The following OVCH1 variants were observed in gnomAD, a reference collection of about 807,000 sequenced individuals.
The protein encoded by OVCH1 is ovochymase-1.
A neutral mutation model predicts 138.4 loss-of-function variants in OVCH1; 139 were observed. That is an observed-to-expected ratio of 1.00 (90% CI 0.87 to 1.16). The LOEUF is 1.16. OVCH1 is among the 50% of genes most tolerant of loss of function. The pLI is 0.00. For missense variants in OVCH1, 1,367 were observed against 1,357.9 expected (o/e 1.01, Z -0.11); for synonymous variants, 453 against 467.8 (o/e 0.97, Z 0.41).
At chr12:29,426,634 T>C (rs1268267075), downstream of OVCH1, among the ~76,000 whole-genome samples, 3 of 152,200 alleles carry the variant, frequency 2.0e-5, no homozygotes, top group African/African-American at 7.2e-5. Context: ...CTTTCTCCAG[T>C]GTCTCACATC....
At chr12:29,492,604 A>G (rs1199390334) in intron 4 of OVCH1, among the ~76,000 whole-genome samples, 3 of 152,142 alleles carry the variant, frequency 2.0e-5, no homozygotes, top group African/African-American at 7.2e-5. Flanking sequence ...CTGGAACAAG[A>G]TGGCAAAAGT....
chr12:29,452,794 C>G (rs1464567773), intron 21 of OVCH1, among the ~76,000 whole-genome samples: 1 of 152,092 alleles, frequency 6.6e-6, no homozygotes, highest in South Asian at 2.1e-4. Flanking sequence ...TTCATTAATT[C>G]CCTAGTGTAA....
At chr12:29,474,808 C>T (rs1458969401) in intron 14 of OVCH1, among the ~76,000 whole-genome samples, 4 of 152,064 alleles carry the variant, frequency 2.6e-5, no homozygotes, top group African/African-American at 7.2e-5. Flanking sequence ...CTGTATGTGG[C>T]GTGTGGAATC....
chr12:29,434,547 C>T (rs767803437), intron 26 of OVCH1, among the ~76,000 whole-genome samples: 1 of 151,602 alleles, frequency 6.6e-6, no homozygotes, highest in Non-Finnish European at 1.5e-5. Flanking sequence ...AAAAGAAGCA[C>T]AAGAAATTGA....
chr12:29,486,528 C>T lies in OVCH1; in HGVS notation c.893-180G>A, dbSNP rs568167855. 5.3e-5 allele frequency among the ~76,000 whole-genome samples: 8 copies of T among 152,238 alleles called. No homozygotes were observed. In the East Asian group the frequency reaches 9.6e-4, roughly 18 times the overall value. Reference sequence around the variant, plus strand: ...TCTTTTAAAAAAGGCTAAAGGACTACGTGGAAGCAGGAATTGATTTGATTT... The same window carrying T: ...TCTTTTAAAAAAGGCTAAAGGACTATGTGGAAGCAGGAATTGATTTGATTT... On this transcript the variant is annotated intron_variant, in intron 7 of 27. Transcript: ENST00000318184.
At chr12:29,423,201 A>C (rs1941128949), downstream of OVCH1, 4 of 455,418 alleles carry the variant, frequency 8.8e-6, no homozygotes, top group Non-Finnish European at 1.8e-5. Flanking sequence ...AATAAGCTTA[A>C]AACCTCTTTC....
chr12:29,472,065 TA>T, intron 15 of OVCH1, 83 bp from the exon 16 acceptor site: 1 of 1,313,824 alleles, frequency 7.6e-7, no homozygotes, highest in Admixed American at 2.8e-5. Flanking sequence ...TAGTTAACAG[TA>T]GTGATTCTCA....
intron 23 of OVCH1, 60 bp downstream of exon 23, chr12:29,445,218 C>T: frequency 1.3e-6 from 2 of 1,482,588 alleles, no homozygotes; most frequent in Non-Finnish European, 1.8e-6. Flanking sequence ...GGAAATATTC[C>T]TAAATAGAGT....
chr12:29,451,645 G>A, intron 21 of OVCH1, 76 bp from the exon 22 acceptor site: 1 of 1,157,316 alleles, frequency 8.6e-7, no homozygotes, highest in South Asian at 1.5e-5. Flanking sequence ...TCACAAGACT[G>A]AAAAATCTAG....
chr12:29,433,738 A>C, intron 27 of OVCH1: 1 of 1,424,872 alleles, frequency 7.0e-7, no homozygotes, highest in South Asian at 1.3e-5. Flanking sequence ...TTAGTCCCTT[A>C]TGATATACTT....
intron 27 of OVCH1, among the ~76,000 whole-genome samples, chr12:29,431,618 T>C (rs747035242): frequency 6.6e-6 from 1 of 152,218 alleles, no homozygotes; most frequent in Non-Finnish European, 1.5e-5. Context: ...CTACCTCATA[T>C]AAATTATAAT....
At chr12:29,433,884 AAAAG>A in intron 26 of OVCH1, 2 of 1,263,600 alleles carry the variant, frequency 1.6e-6, no homozygotes, top group South Asian at 3.2e-5. Context: ...GTCCAAAAAA[AAAAG>A]AAACAAAAGG....
At chr12:29,412,313 G>A (rs1263367734), downstream of OVCH1, among the ~76,000 whole-genome samples, 2 of 152,078 alleles carry the variant, frequency 1.3e-5, no homozygotes, top group Admixed American at 6.5e-5. Context: ...GCTGCGCACG[G>A]TGAGCTGCAC....
intron 2 of OVCH1, 38 bp from the exon 3 acceptor site, chr12:29,496,316 C>A: frequency 6.8e-7 from 1 of 1,468,692 alleles, no homozygotes; most frequent in South Asian, 1.2e-5. Flanking sequence ...GCTAATATGT[C>A]TCCCCACATA....
At chr12:29,427,613 T>C (rs1207317302) in exon 28 of OVCH1, 2 of 1,551,284 alleles carry the variant, frequency 1.3e-6, no homozygotes, top group African/African-American at 1.4e-5. Flanking sequence ...CCAAATCTGC[T>C]GGCACCTGGA....
intron 25 of OVCH1, among the ~76,000 whole-genome samples, chr12:29,440,182 G>T (rs1229603965): frequency 6.6e-6 from 1 of 152,104 alleles, no homozygotes; most frequent in Non-Finnish European, 1.5e-5. Flanking sequence ...GGGTAGAAGA[G>T]AAATATTTTT....
At chr12:29,425,076 A>C (rs1387876643), downstream of OVCH1, among the ~76,000 whole-genome samples, 2 of 152,188 alleles carry the variant, frequency 1.3e-5, no homozygotes, top group African/African-American at 4.8e-5. Flanking sequence ...ACTTCAATGA[A>C]GCACTTAATA....
At chr12:29,476,529 A>T (rs944530980) in intron 12 of OVCH1, among the ~76,000 whole-genome samples, 1 of 152,138 alleles carries the variant, frequency 6.6e-6, no homozygotes, top group African/African-American at 2.4e-5. Flanking sequence ...ACATATCCAC[A>T]TGTATCCAAA....
exon 23 of OVCH1, chr12:29,445,301 CTTA>C: frequency 6.2e-7 from 1 of 1,611,806 alleles, no homozygotes; most frequent in Non-Finnish European, 8.5e-7. Flanking sequence ...GACAATATAG[CTTA>C]TACCAAATGC....
Sources: gnomAD v4.1 joint callset for allele counts (sites outside exome capture counted in the v4.1 genomes callset) on GRCh38, gnomAD v4.1.1 for gene constraint, MANE v1.5 for transcripts, NCBI Gene and HGNC (gene_info 2026-07-23, HGNC 2026-07-21) for gene names.